DIS3L2: variants seen among roughly 807,000 people sequenced by gnomAD.
DIS3L2 encodes the protein DIS3-like exonuclease 2.
DIS3L2 carries 34 observed loss-of-function variants against 97.5 expected under a neutral mutation model. The observed-to-expected ratio is 0.35, with a 90% confidence interval of 0.27 to 0.46. DIS3L2 has a LOEUF of 0.46. Among genes scored for constraint, DIS3L2 ranks in the 20% least tolerant of loss-of-function variants. DIS3L2 has a pLI of 1.00. For missense variants in DIS3L2, 1,038 were observed against 1,146.0 expected, an observed-to-expected ratio of 0.91 and a Z score of 1.36; for synonymous variants, 435 against 445.2, an observed-to-expected ratio of 0.98 and a Z score of 0.29.
intron 9 of DIS3L2, among the ~76,000 whole-genome samples, chr2:232,170,633 C>T (rs59129538): frequency 0.012 from 1,790 of 152,216 alleles, 37 homozygotes; most frequent in African/African-American, 0.04. Context: ...TTAATGTCGT[C>T]CTGCCAACTA....
chr2:232,229,149 C>CT (rs947877407), intron 10 of DIS3L2, among the ~76,000 whole-genome samples: 2 of 152,058 alleles, frequency 1.3e-5, no homozygotes, highest in African/African-American at 4.8e-5. Context: ...CCTTTTCAAA[C>CT]TTTTTTCTTT....
At chr2:231,984,411 G>A (rs1449180150) in intron 1 of DIS3L2, among the ~76,000 whole-genome samples, 1 of 143,818 alleles carries the variant, frequency 7.0e-6, no homozygotes, top group Non-Finnish European at 1.5e-5. Context: ...TTTTGAGACG[G>A]AGTCTGGCTC....
At chr2:232,174,772 T>C (rs1691101785) in intron 9 of DIS3L2, among the ~76,000 whole-genome samples, 1 of 152,080 alleles carries the variant, frequency 6.6e-6, no homozygotes, top group Non-Finnish European at 1.5e-5. Context: ...CAGTGTTGAA[T>C]AGAATTAATG....
At chr2:232,201,697 A>G (rs1691897970) in intron 9 of DIS3L2, among the ~76,000 whole-genome samples, 1 of 152,216 alleles carries the variant, frequency 6.6e-6, no homozygotes, top group East Asian at 1.9e-4. Context: ...TTGTGGTTCT[A>G]TGGAAGAATG....
rs1240635085 is a variant in DIS3L2, at chr2:232,281,679, G to GT, written c.1659+18242dup. Among the ~76,000 whole-genome samples, 1 of 152,134 alleles carries GT rather than the reference G, an allele frequency of 6.6e-6. No homozygotes were observed. The highest frequency in any genetic ancestry group is 1.5e-5 in the Non-Finnish European group (1 of 68,020). ...AGGGGGGACACCTGGATATGCCCAGGTTTCTGACAGGCAGGAAGACGTGCC... is the reference window on the plus strand; with the variant it reads ...AGGGGGGACACCTGGATATGCCCAGGTTTTCTGACAGGCAGGAAGACGTGCC... On this transcript the variant is annotated intron_variant, in intron 13 of 20. Coordinates refer to ENST00000325385, the MANE Select transcript of DIS3L2 (RefSeq NM_152383.5). This position sits in a 1 kb window ranked among gnomAD's most constrained non-coding sequence, Gnocchi z 4.1.
At chr2:232,336,120 G>C in intron 20 of DIS3L2, 1 of 1,538,820 alleles carries the variant, frequency 6.5e-7, no homozygotes, top group Non-Finnish European at 8.8e-7. Context: ...TCCCGCTAAT[G>C]CAGGGGTGCT....
chr2:232,116,184 G>GAATGAATA (rs766407578), intron 6 of DIS3L2, among the ~76,000 whole-genome samples: 10 of 35,616 alleles, frequency 2.8e-4, no homozygotes, highest in Admixed American at 6.8e-4. Context: ...ATAAATAAAT[G>GAATGAATA]AATAAATAAA....
chr2:232,199,734 T>C (rs555412222), intron 9 of DIS3L2, among the ~76,000 whole-genome samples: 16 of 152,174 alleles, frequency 1.1e-4, no homozygotes, highest in African/African-American at 3.4e-4. Flanking sequence ...ACAGAAAGGG[T>C]AAACCAGAAA....
chr2:232,231,430 C>T (rs3103278), intron 10 of DIS3L2, among the ~76,000 whole-genome samples: 1 of 152,248 alleles, frequency 6.6e-6, no homozygotes, highest in Non-Finnish European at 1.5e-5. Context: ...ACTCCTTTCT[C>T]TTGGCCAGAT....
downstream of DIS3L2, among the ~76,000 whole-genome samples, chr2:232,341,763 C>G (rs929354548): frequency 5.9e-5 from 9 of 152,084 alleles, no homozygotes; most frequent in Middle Eastern, 3.4e-3. Context: ...AGAAGGGACA[C>G]TGTGCCAGTT....
intron 14 of DIS3L2, among the ~76,000 whole-genome samples, chr2:232,308,440 C>T (rs1235414991): frequency 1.3e-5 from 2 of 152,198 alleles, no homozygotes; most frequent in African/African-American, 4.8e-5. Context: ...GGTTAGTTTG[C>T]TAAACTTAAC....
intron 13 of DIS3L2, among the ~76,000 whole-genome samples, chr2:232,273,540 G>A (rs1350562821): frequency 6.6e-6 from 1 of 152,218 alleles, no homozygotes; most frequent in Non-Finnish European, 1.5e-5. Context: ...CTGGGTGTTT[G>A]ATTATTTGCT....
At chr2:232,218,920 C>G (rs1471249481) in intron 10 of DIS3L2, among the ~76,000 whole-genome samples, 1 of 152,142 alleles carries the variant, frequency 6.6e-6, no homozygotes, top group Non-Finnish European at 1.5e-5. Flanking sequence ...TAAGATGAGT[C>G]CTCAGCCTCC....
At chr2:232,284,009 T>C (rs1694364145) in intron 13 of DIS3L2, among the ~76,000 whole-genome samples, 1 of 152,218 alleles carries the variant, frequency 6.6e-6, no homozygotes, top group South Asian at 2.1e-4. Flanking sequence ...AACCTTTCTA[T>C]ACTACCTTTG....
intron 10 of DIS3L2, among the ~76,000 whole-genome samples, chr2:232,237,032 G>C (rs1692950568): frequency 6.6e-6 from 1 of 152,218 alleles, no homozygotes; most frequent in Non-Finnish European, 1.5e-5. Flanking sequence ...TTACAGGCAT[G>C]AGCCACCGTG....
intron 8 of DIS3L2, among the ~76,000 whole-genome samples, chr2:232,156,685 G>A (rs1559685190): frequency 6.6e-6 from 1 of 152,090 alleles, no homozygotes; most frequent in Non-Finnish European, 1.5e-5. Context: ...ATTGTATCCT[G>A]GAGGATAGCA....
At chr2:232,196,737 A>G (rs1181917468) in intron 9 of DIS3L2, among the ~76,000 whole-genome samples, 1 of 151,424 alleles carries the variant, frequency 6.6e-6, no homozygotes, top group Non-Finnish European at 1.5e-5. Context: ...AATGTAGAAG[A>G]ACAAATGTAG....
At chr2:232,238,383 G>C (rs909401102) in intron 10 of DIS3L2, 150 bp from the exon 11 acceptor site, 3 of 589,632 alleles carry the variant, frequency 5.1e-6, no homozygotes, top group African/African-American at 1.9e-5. Flanking sequence ...GAGGGAGGTG[G>C]CCAAGGAAGG....
chr2:232,201,864 C>T (rs943005474), intron 9 of DIS3L2, among the ~76,000 whole-genome samples: 1 of 152,086 alleles, frequency 6.6e-6, no homozygotes, highest in Non-Finnish European at 1.5e-5. Flanking sequence ...AAGATAAAGC[C>T]AATATGGAAA....
Sources: allele counts gnomAD v4.1 joint callset (sites outside exome capture counted in the v4.1 genomes callset), GRCh38; gene constraint gnomAD v4.1.1; non-coding constraint Gnocchi (gnomAD v3.1); transcripts MANE v1.5; gene names NCBI Gene and HGNC (gene_info 2026-07-23, HGNC 2026-07-21).